The following CDH12 variants were observed in gnomAD, a reference collection of about 807,000 sequenced individuals.
CDH12 encodes the protein cadherin 12.
Under a neutral mutation model 74.1 loss-of-function variants are expected in CDH12, and 41 were observed. The observed-to-expected ratio is 0.55, with a 90% CI of 0.43 to 0.72. CDH12 has a LOEUF of 0.72. Ranked by LOEUF, CDH12 falls within the 30% of genes least tolerant of loss-of-function variation. The pLI is 0.00. For missense variants in CDH12, 945 were observed against 977.2 expected (o/e 0.97, Z 0.44); for synonymous variants, 399 against 355.0 (o/e 1.12, Z -1.39).
chr5:22,024,345 C>T (rs1226065076), intron 5 of CDH12, among the ~76,000 whole-genome samples: 6 of 152,050 alleles, frequency 3.9e-5, no homozygotes, highest in Non-Finnish European at 7.4e-5. Context: ...AACAAAATAG[C>T]AGACAATACT....
intron 1 of CDH12, among the ~76,000 whole-genome samples, chr5:22,655,525 G>T (rs1739987084): frequency 1.3e-5 from 2 of 152,166 alleles, no homozygotes; most frequent in African/African-American, 4.8e-5. Context: ...AAGCAAGCAA[G>T]ATCCATTTTG....
At chr5:21,769,686 C>A (rs1483894784) in intron 11 of CDH12, among the ~76,000 whole-genome samples, 1 of 152,034 alleles carries the variant, frequency 6.6e-6, no homozygotes, top group African/African-American at 2.4e-5. Context: ...CCTGGAAAAC[C>A]TGAATTTTAA....
intron 3 of CDH12, among the ~76,000 whole-genome samples, chr5:22,295,236 G>T (rs1737570314): frequency 6.6e-6 from 1 of 151,758 alleles, no homozygotes; most frequent in Admixed American, 6.6e-5. Context: ...TTTTTAATGA[G>T]TAATATATTG....
chr5:22,346,261 ATCT>A (rs559101773), intron 3 of CDH12, among the ~76,000 whole-genome samples: 40 of 152,304 alleles, frequency 2.6e-4, no homozygotes, highest in East Asian at 7.7e-4. Flanking sequence ...TCAATTTTAA[ATCT>A]TCTTTGTTCA....
rs759734847 is a variant in CDH12, at chr5:22,314,941, CTTTTTTTTT to C, written c.-333+90307_-333+90315del. 4.1e-4 allele frequency among the ~76,000 whole-genome samples: 28 copies of C among 67,764 alleles called. No homozygotes were observed. The East Asian group carries it at 5.4e-3, about 13-fold the overall frequency. 44.5% of individuals were successfully genotyped at this position (67,764 alleles called of 152,430 possible). ...GAAAAGCAGAGGTCCCTGGGTTGGT[CTTTTTTTTT>C]TTTTTTTTTTTTTTTTTTTTTGAGA... On this transcript the variant is annotated intron_variant, in intron 3 of 14. Coordinates refer to ENST00000382254, the MANE Select transcript of CDH12 (RefSeq NM_004061.5).
At chr5:21,992,150 G>A (rs985255690) in intron 5 of CDH12, among the ~76,000 whole-genome samples, 2 of 151,720 alleles carry the variant, frequency 1.3e-5, no homozygotes, top group Non-Finnish European at 2.9e-5. Flanking sequence ...TTTCCCAATA[G>A]GTTAATAGGA....
chr5:22,066,989 T>C (rs575210762), intron 5 of CDH12, among the ~76,000 whole-genome samples: 174 of 152,264 alleles, frequency 1.1e-3, no homozygotes, highest in African/African-American at 4.1e-3. Context: ...CACATAAATT[T>C]TCTCCATTAA....
At chr5:22,495,073 T>A (rs1158711685) in intron 2 of CDH12, among the ~76,000 whole-genome samples, 4 of 152,180 alleles carry the variant, frequency 2.6e-5, no homozygotes, top group African/African-American at 9.7e-5. Flanking sequence ...GAAGCAGTTA[T>A]CCTATATTTC....
chr5:22,620,189 A>G (rs1282491679), intron 1 of CDH12, among the ~76,000 whole-genome samples: 1 of 152,152 alleles, frequency 6.6e-6, no homozygotes, highest in Non-Finnish European at 1.5e-5. Flanking sequence ...TCATTTCTTC[A>G]GTATGGAAAA....
intron 1 of CDH12, among the ~76,000 whole-genome samples, chr5:22,508,232 T>A (rs1736470240): frequency 6.6e-6 from 1 of 152,188 alleles, no homozygotes; most frequent in Non-Finnish European, 1.5e-5. Context: ...CTGAATTTTT[T>A]ATCTTGCCCA....
At position 22,026,265 on chromosome 5, in the gene CDH12, A is replaced by G. The variant is rs184632031; in HGVS notation, c.232-50880T>C. Among the ~76,000 whole-genome samples the G allele has an allele frequency of 3.9e-5, 6 of 152,278 alleles. No homozygotes were observed. The East Asian group carries it at 9.7e-4, about 25-fold the overall frequency. On this transcript the variant is annotated intron_variant, in intron 5 of 14. Coordinates refer to ENST00000382254, the MANE Select transcript of CDH12 (RefSeq NM_004061.5). ...GCCAAACTGGTTAGACATGATCCCTAGTGGAAAGGAACTGTTACAGCAGGC... is the reference window on the plus strand; with the variant it reads ...GCCAAACTGGTTAGACATGATCCCTGGTGGAAAGGAACTGTTACAGCAGGC...
intron 1 of CDH12, among the ~76,000 whole-genome samples, chr5:22,616,903 C>A (rs1394483172): frequency 1.3e-5 from 2 of 151,958 alleles, no homozygotes; most frequent in South Asian, 2.1e-4. Context: ...CCCCCTCTGC[C>A]TCTCATGCTG....
chr5:21,996,484 A>T (rs1176808236), intron 5 of CDH12, among the ~76,000 whole-genome samples: 2 of 152,284 alleles, frequency 1.3e-5, no homozygotes, highest in Middle Eastern at 3.4e-3. Context: ...AAATGAGGAA[A>T]TTGAGAATCA....
intron 3 of CDH12, among the ~76,000 whole-genome samples, chr5:22,373,760 A>C (rs1281756600): frequency 6.6e-6 from 1 of 152,218 alleles, no homozygotes; most frequent in Non-Finnish European, 1.5e-5. Flanking sequence ...CCTACCAACC[A>C]ACAACATATA....
intron 4 of CDH12, among the ~76,000 whole-genome samples, chr5:22,122,989 A>T (rs1745614825): frequency 6.6e-6 from 1 of 152,214 alleles, no homozygotes; most frequent in South Asian, 2.1e-4. Flanking sequence ...CTGACAATTC[A>T]TCCTAAATAT....
At chr5:22,351,797 T>C (rs1365760172) in intron 3 of CDH12, among the ~76,000 whole-genome samples, 6 of 152,212 alleles carry the variant, frequency 3.9e-5, no homozygotes, top group African/African-American at 1.4e-4. Context: ...CAAGAACATT[T>C]TTCTTGTCCA....
chr5:22,274,817 A>C (rs1489569856), intron 3 of CDH12, among the ~76,000 whole-genome samples: 1 of 152,134 alleles, frequency 6.6e-6, no homozygotes, highest in African/African-American at 2.4e-5. Flanking sequence ...ATTAGAAGTA[A>C]TATTTTAAAA....
chr5:22,341,175 T>C (rs868098344), intron 3 of CDH12, among the ~76,000 whole-genome samples: 9 of 152,194 alleles, frequency 5.9e-5, no homozygotes, highest in African/African-American at 1.7e-4. Context: ...TGCCTGTTCA[T>C]GAAAACAAAC....
chr5:22,073,023 C>A (rs1309343810), intron 5 of CDH12, among the ~76,000 whole-genome samples: 3 of 152,010 alleles, frequency 2.0e-5, no homozygotes, highest in Admixed American at 6.6e-5. Flanking sequence ...TCATAGTGTT[C>A]TTTTGCAGAT....
Sources: gnomAD v4.1 joint callset for allele counts (sites outside exome capture counted in the v4.1 genomes callset) on GRCh38, gnomAD v4.1.1 for gene constraint, MANE v1.5 for transcripts, NCBI Gene and HGNC (gene_info 2026-07-23, HGNC 2026-07-21) for gene names.